EPM2A: variants seen among roughly 807,000 people sequenced by gnomAD.
The protein encoded by EPM2A is EPM2A glucan phosphatase, laforin, also known as laforin.
EPM2A carries 21 observed loss-of-function variants against 26.5 expected under a neutral mutation model. The observed-to-expected ratio is 0.79, with a 90% CI of 0.56 to 1.14. The LOEUF (loss-of-function observed/expected upper bound fraction) is 1.14, where lower values mean the gene tolerates loss of function less well. Among genes scored for constraint, EPM2A ranks in the 50% most tolerant of loss-of-function variants. The pLI is 0.00. For synonymous variants in EPM2A, 217 were observed against 177.6 expected (o/e 1.22, Z -1.76); for missense variants, 458 against 440.8 (o/e 1.04, Z -0.35).
chr6:145,714,541 T>G (rs184486432), intron 1 of EPM2A, among the ~76,000 whole-genome samples: 12 of 152,300 alleles, frequency 7.9e-5, no homozygotes, highest in Admixed American at 6.5e-4. Flanking sequence ...TTAAGAAAGA[T>G]GAATAAAGAC....
At chr6:145,389,174 C>T (rs961410822) in intron 4 of EPM2A, among the ~76,000 whole-genome samples, 1 of 151,218 alleles carries the variant, frequency 6.6e-6, no homozygotes. Context: ...CTCCCTTTGA[C>T]TTTTTTTCAA....
At chr6:145,418,720 C>T (rs1276263368) in intron 4 of EPM2A, among the ~76,000 whole-genome samples, 4 of 152,100 alleles carry the variant, frequency 2.6e-5, no homozygotes, top group African/African-American at 4.8e-5. Context: ...CTCATGACCC[C>T]GCTTGACTGA....
intron 2 of EPM2A, chr6:145,636,922 T>C (rs564884350): frequency 1.5e-5 from 2 of 129,958 alleles, no homozygotes; most frequent in African/African-American, 5.8e-5. Flanking sequence ...AGAACCTGTC[T>C]GAAAAAAAAA....
chr6:145,694,102 A>C (rs1781436504), intron 1 of EPM2A, among the ~76,000 whole-genome samples: 1 of 151,910 alleles, frequency 6.6e-6, no homozygotes, highest in African/African-American at 2.4e-5. Flanking sequence ...TAGTCTCCTT[A>C]AGCAAAATAA....
At chr6:145,621,732 G>A (rs1019281709), downstream of EPM2A, among the ~76,000 whole-genome samples, 1 of 151,332 alleles carries the variant, frequency 6.6e-6, no homozygotes, top group Non-Finnish European at 1.5e-5. Flanking sequence ...TTAGCCATTT[G>A]TATGTCTTCT....
intron 2 of EPM2A, among the ~76,000 whole-genome samples, chr6:145,528,264 G>A (rs436212): frequency 0.45 from 67,893 of 152,006 alleles, 15,210 homozygotes; most frequent in South Asian, 0.58. Flanking sequence ...GATGAAGGTG[G>A]CTACATTAAA....
At chr6:145,642,873 T>C (rs1436025154) in intron 2 of EPM2A, among the ~76,000 whole-genome samples, 6 of 152,206 alleles carry the variant, frequency 3.9e-5, no homozygotes, top group Non-Finnish European at 5.9e-5. Context: ...AGGGAATTTA[T>C]ATACTAATAT....
chr6:145,547,134 C>T (rs1780592188), intron 2 of EPM2A, among the ~76,000 whole-genome samples: 1 of 152,088 alleles, frequency 6.6e-6, no homozygotes, highest in African/African-American at 2.4e-5. Flanking sequence ...TATAAATAAA[C>T]CAAACCTATC....
At chr6:145,522,187 C>T (rs898293388) in intron 2 of EPM2A, among the ~76,000 whole-genome samples, 3 of 152,100 alleles carry the variant, frequency 2.0e-5, no homozygotes, top group Non-Finnish European at 2.9e-5. Context: ...CTCCTGACTT[C>T]GTGATCCGCC....
chr6:145,591,474 T>A (rs1781272479), intron 2 of EPM2A, among the ~76,000 whole-genome samples: 1 of 152,088 alleles, frequency 6.6e-6, no homozygotes, highest in African/African-American at 2.4e-5. Context: ...GAAATAACTT[T>A]ACCTATAGAA....
chr6:145,710,872 C>CA (rs1361623292), intron 1 of EPM2A, among the ~76,000 whole-genome samples: 2 of 149,060 alleles, frequency 1.3e-5, no homozygotes, highest in Non-Finnish European at 3.0e-5. Context: ...ATTGCAAGGA[C>CA]AAAAAACCAA....
chr6:145,622,663 C>T (rs117890262), downstream of EPM2A, among the ~76,000 whole-genome samples: 624 of 152,232 alleles, frequency 4.1e-3, 18 homozygotes, highest in East Asian at 0.07. Flanking sequence ...AACCAAGAAA[C>T]GTCAAAGGTT....
chr6:145,632,837 G>A (rs1490057126), intron 3 of EPM2A, among the ~76,000 whole-genome samples: 1 of 152,234 alleles, frequency 6.6e-6, no homozygotes, highest in East Asian at 1.9e-4. Context: ...CCACTCAGAA[G>A]TGGTTATTAA....
At chr6:145,722,438 C>G (rs974244022) in intron 1 of EPM2A, among the ~76,000 whole-genome samples, 11 of 152,266 alleles carry the variant, frequency 7.2e-5, no homozygotes, top group African/African-American at 2.6e-4. Flanking sequence ...AGATACCGCA[C>G]AGCCAACACA....
intron 2 of EPM2A, among the ~76,000 whole-genome samples, chr6:145,572,882 A>G (rs534066597): frequency 6.6e-6 from 1 of 152,332 alleles, no homozygotes; most frequent in East Asian, 1.9e-4. Flanking sequence ...GGAGTAGCAC[A>G]CTCAAATGAG....
intron 2 of EPM2A, among the ~76,000 whole-genome samples, chr6:145,588,987 C>T (rs773927287): frequency 6.6e-6 from 1 of 152,124 alleles, no homozygotes; most frequent in African/African-American, 2.4e-5. Context: ...GAAGCTACTA[C>T]CCCCAGGCTG....
At chr6:145,642,472 C>T (rs1223635748) in intron 2 of EPM2A, among the ~76,000 whole-genome samples, 4 of 152,124 alleles carry the variant, frequency 2.6e-5, no homozygotes, top group African/African-American at 9.7e-5. Context: ...AATTCAACAA[C>T]CAATAGTGAG....
chr6:145,546,433 C>T (rs1474252240), intron 2 of EPM2A, among the ~76,000 whole-genome samples: 1 of 152,112 alleles, frequency 6.6e-6, no homozygotes, highest in African/African-American at 2.4e-5. Context: ...GGCAGATCTT[C>T]CTTACTCAAT....
chr6:145,492,339 C>T (rs959893733), intron 4 of EPM2A, among the ~76,000 whole-genome samples: 3 of 152,130 alleles, frequency 2.0e-5, no homozygotes, highest in Admixed American at 6.5e-5. Flanking sequence ...AAATTCTGTG[C>T]GGCCCCCACA....
Sources: gnomAD v4.1 joint callset for allele counts (sites outside exome capture counted in the v4.1 genomes callset) on GRCh38, gnomAD v4.1.1 for gene constraint, MANE v1.5 for transcripts, NCBI Gene and HGNC (gene_info 2026-07-23, HGNC 2026-07-21) for gene names.